SMG1: variants seen among roughly 807,000 people sequenced by gnomAD.
SMG1 encodes the protein SMG1 nonsense mediated mRNA decay associated PI3K related kinase.
In SMG1, 22 loss-of-function variants were observed where a neutral mutation model predicts 419.9. The ratio of observed to expected loss-of-function variants is 0.05; its 90% CI spans 0.04 to 0.07. The LOEUF is 0.07. Ranked by LOEUF, SMG1 falls within the 10% of genes least tolerant of loss-of-function variation. The pLI, the probability that SMG1 is intolerant of heterozygous loss-of-function variation, is 1.00. For missense variants in SMG1, 3,185 were observed against 4,342.0 expected, an observed-to-expected ratio of 0.73 and a Z score of 7.49; for synonymous variants, 1,538 against 1,553.5, an observed-to-expected ratio of 0.99 and a Z score of 0.23.
At chr16:18,905,388 C>A (rs1567450484) in intron 1 of SMG1, among the ~76,000 whole-genome samples, 1 of 152,146 alleles carries the variant, frequency 6.6e-6, no homozygotes, top group Admixed American at 6.6e-5. Context: ...TACTTTTTAA[C>A]CCACTTTAAT....
At chr16:18,832,351 G>A (rs2033246405) in intron 51 of SMG1, among the ~76,000 whole-genome samples, 1 of 152,108 alleles carries the variant, frequency 6.6e-6, no homozygotes, top group Non-Finnish European at 1.5e-5. Context: ...CTAATGAGAT[G>A]AAAAATACAA....
rs1314775703 is a variant in SMG1, at chr16:18,919,650, G to GTGTGTGTA, written c.92+6299_92+6300insTACACACA. 6.9e-3 allele frequency among the ~76,000 whole-genome samples: 566 copies of GTGTGTGTA among 82,010 alleles called. 12 individuals are homozygous for GTGTGTGTA. Among genetic ancestry groups the GTGTGTGTA allele is most frequent in the Non-Finnish European group, 4.6e-3 (193 of 42,206 alleles). The allele number at this position is 82,010 out of a possible 152,430, so 53.8% of individuals were successfully genotyped here. A position where few individuals can be genotyped will look rare whatever the true frequency, so the allele number is the denominator to read the frequency against. ...AAAAAAAAAATGTGTGTGTGTGTGTGTATATATACACACACACACACACAC... is the reference window on the plus strand; with the variant it reads ...AAAAAAAAAATGTGTGTGTGTGTGTGTGTGTGTATATATATACACACACACACACACAC... On this transcript the variant is annotated intron_variant, in intron 1 of 62. Coordinates refer to ENST00000446231, the MANE Select transcript of SMG1 (RefSeq NM_015092.5).
At chr16:18,879,313 C>G (rs2036282573) in intron 11 of SMG1, 182 bp downstream of exon 11, 3 of 588,426 alleles carry the variant, frequency 5.1e-6, no homozygotes, top group Non-Finnish European at 9.0e-6. Context: ...TGGGGTCTCA[C>G]TACATTGCCC....
At chr16:18,830,423 G>A in intron 51 of SMG1, 54 bp from the exon 52 acceptor site, 1 of 1,578,208 alleles carries the variant, frequency 6.3e-7, no homozygotes, top group Non-Finnish European at 8.7e-7. Flanking sequence ...TGCCTTTGGT[G>A]GGAACATACA....
At chr16:18,865,189 C>T (rs1371083751) in intron 23 of SMG1, among the ~76,000 whole-genome samples, 1 of 152,072 alleles carries the variant, frequency 6.6e-6, no homozygotes, top group Non-Finnish European at 1.5e-5. Flanking sequence ...TGAGAGGCCA[C>T]GAAGACATGA....
chr16:18,820,608 TCA>T (rs2032442350), intron 55 of SMG1, among the ~76,000 whole-genome samples: 1 of 152,178 alleles, frequency 6.6e-6, no homozygotes, highest in Non-Finnish European at 1.5e-5. Context: ...GTGGACGCAT[TCA>T]CATTTTCTCT....
intron 1 of SMG1, among the ~76,000 whole-genome samples, chr16:18,904,885 A>G (rs1339538271): frequency 6.6e-6 from 1 of 152,132 alleles, no homozygotes; most frequent in African/African-American, 2.4e-5. Context: ...CAGTGAGCCG[A>G]GATTGCACCA....
At position 18,870,686 on chromosome 16, in the gene SMG1, G is replaced by A; in HGVS notation, c.2416C>T (p.Leu806=). The part of the protein sequence containing the change: ...QRCVDVCRVQ[L]VHSGTRIRQA... ...CGAATACGAGTTCCACTGTGCACTA[G>A]TTGAACACGGCAAACATCGACACAT... Residue 806 remains leucine, a synonymous_variant, in exon 18 of 63, where the codon CTA becomes TTA. Coordinates refer to ENST00000446231, the MANE Select transcript of SMG1 (RefSeq NM_015092.5). 1 of 1,608,854 alleles carries A rather than the reference G, an allele frequency of 6.2e-7. No individual in the cohort carries two copies. Among genetic ancestry groups the A allele is most frequent in the Non-Finnish European group, 8.5e-7 (1 of 1,178,324 alleles).
rs1382682990 is a variant in SMG1, at chr16:18,828,055, A to G, written c.9717T>C (p.Ile3239=). ...CCTGAACTGTTGCAATAGAAGTTTC[A>G]ATCTGGCTCAGGGTATGCAGCTTCT... The part of the protein sequence containing the change: ...MKKKLHTLSQ[I]ETSIATVQEK... Residue 3239 remains isoleucine (I), a synonymous_variant, in exon 55 of 63, where the codon ATT becomes ATC. Coordinates refer to ENST00000446231, the MANE Select transcript of SMG1 (RefSeq NM_015092.5). 2 of 1,612,860 alleles carry G rather than the reference A, an allele frequency of 1.2e-6. No homozygotes were observed. Among genetic ancestry groups the G allele is most frequent in the South Asian group, 2.2e-5 (2 of 90,884 alleles).
Position 18,836,184 on chromosome 16 carries a change from G to A in SMG1, c.7806C>T (p.Ala2602=), listed in dbSNP as rs771793073. 5 of 1,612,002 alleles carry A rather than the reference G, an allele frequency of 3.1e-6. No homozygotes were observed. Among genetic ancestry groups the A allele is most frequent in the South Asian group, 1.1e-5 (1 of 90,684 alleles). Residue 2602 remains alanine, a synonymous_variant, in exon 48 of 63, where the codon GCC becomes GCT. Transcript: ENST00000446231. The part of the protein sequence containing the change: ...LGPPSYVPAT[A]FLQNAGQAHL... ...GGGCCTGACCAGCATTCTGCAGAAA[G>A]GCTGTTGCTGGCACGTAACTTGGAG...
intron 6 of SMG1, among the ~76,000 whole-genome samples, chr16:18,888,717 C>T (rs1320065862): frequency 6.6e-6 from 1 of 151,844 alleles, no homozygotes; most frequent in Non-Finnish European, 1.5e-5. Flanking sequence ...GTTTCCACCT[C>T]GGCCTCCCAA....
chr16:18,901,623 G>T (rs1202134572), intron 1 of SMG1, among the ~76,000 whole-genome samples: 2 of 152,118 alleles, frequency 1.3e-5, no homozygotes, highest in East Asian at 1.9e-4. Context: ...GGAGAGGTCT[G>T]GCTTTTACCT....
chr16:18,838,863 C>T (rs1355799876), intron 42 of SMG1, among the ~76,000 whole-genome samples, 174 bp from the exon 43 acceptor site: 1 of 152,162 alleles, frequency 6.6e-6, no homozygotes, highest in East Asian at 1.9e-4. Flanking sequence ...TGCAGGCATA[C>T]AACACTGTAG....
At chr16:18,906,484 G>T (rs12930236) in intron 1 of SMG1, among the ~76,000 whole-genome samples, 7 of 151,766 alleles carry the variant, frequency 4.6e-5, no homozygotes, top group African/African-American at 1.7e-4. Flanking sequence ...GCGAAACTCC[G>T]TCTCGGGGTG....
rs1391379044 is a variant in SMG1, at chr16:18,864,126, C to T, written c.3369G>A (p.Val1123=). The change falls in exon 24 of 63, where the codon GTG becomes GTA. Residue 1123 remains valine, a synonymous_variant. Coordinates refer to ENST00000446231, the MANE Select transcript of SMG1 (RefSeq NM_015092.5). ...QAEGRFEKAS[V]EYQEHLCAMT... is the part of the protein sequence containing the mutation. ...TGGCACACAGGTGTTCCTGGTACTCCACAGAGGCCTTTTCAAACCTGAAAA... is the reference window on the plus strand; with the variant it reads ...TGGCACACAGGTGTTCCTGGTACTCTACAGAGGCCTTTTCAAACCTGAAAA... 6.5e-7 allele frequency: 1 copy of T among 1,537,614 alleles called. No homozygotes were observed. The highest frequency in any genetic ancestry group is 1.2e-5 in the South Asian group (1 of 81,032).
At chr16:18,895,321 A>C (rs1241001523) in intron 3 of SMG1, among the ~76,000 whole-genome samples, 3 of 151,992 alleles carry the variant, frequency 2.0e-5, no homozygotes, top group Non-Finnish European at 4.4e-5. Context: ...TCCACTAAAA[A>C]TGCAAAAATC....
intron 60 of SMG1, among the ~76,000 whole-genome samples, chr16:18,814,169 G>GAA (rs34187460): frequency 0.49 from 74,373 of 150,846 alleles, 18,663 homozygotes; most frequent in Middle Eastern, 0.6. Flanking sequence ...TTATTAACTG[G>GAA]AAAGGCAACA....
chr16:18,893,765 A>G (rs1274688643), intron 3 of SMG1, among the ~76,000 whole-genome samples: 1 of 152,126 alleles, frequency 6.6e-6, no homozygotes, highest in South Asian at 2.1e-4. Flanking sequence ...TGGTAAAAAA[A>G]GAAACCAGAA....
chr16:18,881,991 C>A (rs553904332), intron 10 of SMG1, among the ~76,000 whole-genome samples, 174 bp downstream of exon 10: 145 of 151,994 alleles, frequency 9.5e-4, no homozygotes, highest in African/African-American at 3.4e-3. Context: ...TAACAGGATT[C>A]CCTACTTTTC....
Sources: allele counts gnomAD v4.1 joint callset (sites outside exome capture counted in the v4.1 genomes callset), GRCh38; gene constraint gnomAD v4.1.1; transcripts MANE v1.5; gene names NCBI Gene and HGNC (gene_info 2026-07-23, HGNC 2026-07-21).